The following HCFC2 variants were observed in gnomAD, a reference collection of about 807,000 sequenced individuals.
The protein encoded by HCFC2 is host cell factor 2.
HCFC2 carries 18 observed loss-of-function variants against 89.2 expected under a neutral mutation model. That is an observed-to-expected ratio of 0.20 (90% CI 0.14 to 0.30). The LOEUF (loss-of-function observed/expected upper bound fraction) is 0.30. HCFC2 is among the 10% of genes least tolerant of loss of function. HCFC2 has a pLI of 1.00. For missense variants in HCFC2, 578 were observed against 956.1 expected, an observed-to-expected ratio of 0.60 and a Z score of 5.21; for synonymous variants, 308 against 335.7, an observed-to-expected ratio of 0.92 and a Z score of 0.90.
chr12:104,092,288 A>G (rs1884043239), intron 9 of HCFC2, among the ~76,000 whole-genome samples: 1 of 152,078 alleles, frequency 6.6e-6, no homozygotes. Context: ...CAACATGGCA[A>G]AACCTCATCT....
At position 104,102,159 on chromosome 12, in the gene HCFC2, A is replaced by G; in HGVS notation, c.2064+6A>G. 6.2e-7 allele frequency: 1 copy of G among 1,611,964 alleles called. No individual in the cohort carries two copies. Among genetic ancestry groups the G allele is most frequent in the Non-Finnish European group, 8.5e-7 (1 of 1,178,438 alleles). ...CTGCAGTCAGAATTTCAAAGGTGAGACATCGGGTCAAGACTTGTTGGTGAT... is the reference window on the plus strand; with the variant it reads ...CTGCAGTCAGAATTTCAAAGGTGAGGCATCGGGTCAAGACTTGTTGGTGAT... On this transcript the variant is annotated splice_donor_region_variant and intron_variant, in intron 14 of 14. Coordinates refer to ENST00000229330, the MANE Select transcript of HCFC2 (RefSeq NM_013320.3).
At chr12:104,066,857 G>A (rs528515595) in intron 2 of HCFC2, among the ~76,000 whole-genome samples, 11 of 152,266 alleles carry the variant, frequency 7.2e-5, no homozygotes, top group African/African-American at 2.2e-4. Context: ...GCGCAATCTC[G>A]GCTCACTGCA....
At chr12:104,087,455 A>G (rs1468076911) in intron 8 of HCFC2, among the ~76,000 whole-genome samples, 27 of 24,394 alleles carry the variant, frequency 1.1e-3, no homozygotes, top group Admixed American at 3.8e-3. Flanking sequence ...GTGTGTGTGT[A>G]TATATATATA....
intron 3 of HCFC2, among the ~76,000 whole-genome samples, chr12:104,074,270 C>A (rs1432586369): frequency 1.3e-5 from 2 of 152,120 alleles, no homozygotes; most frequent in African/African-American, 4.8e-5. Flanking sequence ...TCTTGAGTAG[C>A]CAGCTGGGAC....
At chr12:104,094,364 T>C (rs1194552623) in intron 10 of HCFC2, among the ~76,000 whole-genome samples, 3 of 152,124 alleles carry the variant, frequency 2.0e-5, no homozygotes, top group African/African-American at 7.2e-5. Context: ...TGTATGGATT[T>C]GGGAATGGTA....
At position 104,103,892 on chromosome 12, in the gene HCFC2, TACA is replaced by T. The variant is rs971027408; in HGVS notation, c.*624_*626del. 2 of 152,074 alleles carry T rather than the reference TACA, an allele frequency of 1.3e-5. No homozygotes were observed. Among genetic ancestry groups the T allele is most frequent in the Non-Finnish European group, 2.9e-5 (2 of 67,920 alleles). The allele number at this position is 152,074 out of a possible 1,614,324, so 9.4% of individuals were successfully genotyped here. On this transcript the variant is annotated 3_prime_UTR_variant, in exon 15 of 15. Coordinates refer to ENST00000229330, the MANE Select transcript of HCFC2 (RefSeq NM_013320.3). The stretch of plus-strand genomic sequence containing the variant: ...TTATTTTCCAAGAATCATGGTAAAA[TACA>T]ACAAGAACAATGAGTTTTCTTGATT...
rs1290739158 is a variant in HCFC2, at chr12:104,068,695, A to T, written c.473+588A>T. On this transcript the variant is annotated intron_variant, in intron 3 of 14. Transcript: ENST00000229330. The surrounding 1 kb of genome is among the most constrained non-coding windows in gnomAD (Gnocchi z 4.1). ...GTATGTTGAGTTCCAATAAGCCTTTATGAAGCAGCTCATAGGCAGGTTTGG... is the reference window on the plus strand; with the variant it reads ...GTATGTTGAGTTCCAATAAGCCTTTTTGAAGCAGCTCATAGGCAGGTTTGG... 6.6e-6 allele frequency among the ~76,000 whole-genome samples: 1 copy of T among 152,158 alleles called. No individual in the cohort carries two copies. The highest frequency in any genetic ancestry group is 1.5e-5 in the Non-Finnish European group (1 of 68,034).
In HCFC2 at chr12:104,082,613, C is replaced by T; in HGVS notation, c.874+7C>T. 6.3e-7 allele frequency: 1 copy of T among 1,596,144 alleles called. No individual in the cohort carries two copies. Among genetic ancestry groups the T allele is most frequent in the Non-Finnish European group, 8.6e-7 (1 of 1,165,042 alleles). On this transcript the variant is annotated splice_region_variant and intron_variant, in intron 6 of 14. Coordinates refer to ENST00000229330, the MANE Select transcript of HCFC2 (RefSeq NM_013320.3). ...TTTTCTTACCTAAATCTGGGTGAGT[C>T]TTTTAAGAGTTACTCATTGAATTAA...
chr12:104,070,189 A>AT (rs1360091427), intron 3 of HCFC2, among the ~76,000 whole-genome samples: 1 of 151,848 alleles, frequency 6.6e-6, no homozygotes, highest in Non-Finnish European at 1.5e-5. Context: ...CGCCCTGCTA[A>AT]TTTTTTGTAT....
At chr12:104,082,948 C>A in intron 7 of HCFC2, 47 bp downstream of exon 7, 1 of 1,380,642 alleles carries the variant, frequency 7.2e-7, no homozygotes. Context: ...TAGGTAAGCA[C>A]TCAAATGTCT....
Position 104,082,756 on chromosome 12 carries a change from TAAAA to T in HCFC2, c.923_926del (p.Lys308IlefsTer32). ...CCCTAGTATCAGATTCTCAGGAAGA[TAAAA>T]AAAATTCAAGACCAAGACCAAGAGC... On this transcript the variant is annotated frameshift_variant, in exon 7 of 15. Coordinates refer to ENST00000229330, the MANE Select transcript of HCFC2 (RefSeq NM_013320.3). LOFTEE classifies it high-confidence loss of function. The T allele has an allele frequency of 6.2e-7, 1 of 1,613,332 alleles. No individual in the cohort carries two copies. Among genetic ancestry groups the T allele is most frequent in the Non-Finnish European group, 8.5e-7 (1 of 1,179,642 alleles).
In HCFC2 at chr12:104,079,493, T is replaced by G; in HGVS notation, c.522T>G (p.Val174=). 1 of 1,614,208 alleles carries G rather than the reference T, an allele frequency of 6.2e-7. No homozygotes were observed. The highest frequency in any genetic ancestry group is 1.3e-5 in the African/African-American group (1 of 75,058). The part of the protein sequence containing the change: ...YELELQHGSG[V]VGWSIPVTKG... ...TGGAGCTACAGCATGGCTCTGGTGT[T>G]GTGGGTTGGAGCATTCCAGTGACTA... Residue 174 remains valine (V), a synonymous_variant, in exon 4 of 15, where the codon GTT becomes GTG. Coordinates refer to ENST00000229330, the MANE Select transcript of HCFC2 (RefSeq NM_013320.3).
At chr12:104,087,279 A>G (rs925163767) in intron 8 of HCFC2, among the ~76,000 whole-genome samples, 5 of 150,952 alleles carry the variant, frequency 3.3e-5, no homozygotes, top group Admixed American at 6.6e-5. Context: ...ACTTGAACCC[A>G]GGTAGTGGAG....
rs1247846463 is a variant in HCFC2, at chr12:104,079,431, C to T, written c.474-14C>T. The stretch of plus-strand genomic sequence containing the variant: ...TATTATCTGAATGTTTTAATTTTTT[C>T]TATGATATCCTAGATATTTAAATGA... On this transcript the variant is annotated splice_polypyrimidine_tract_variant and intron_variant, in intron 3 of 14. Transcript: ENST00000229330. 1 of 1,580,170 alleles carries T rather than the reference C, an allele frequency of 6.3e-7. No homozygotes were observed. Among genetic ancestry groups the T allele is most frequent in the Non-Finnish European group, 8.7e-7 (1 of 1,156,064 alleles).
At chr12:104,093,319 G>A in intron 9 of HCFC2, 67 bp from the exon 10 acceptor site, 5 of 1,122,384 alleles carry the variant, frequency 4.5e-6, no homozygotes, top group Middle Eastern at 2.4e-4. Context: ...TATTTTGCTT[G>A]TTTTTTACAT....
Position 104,064,540 on chromosome 12 carries a change from AG to A in HCFC2, c.-20del. Reference sequence around the variant, plus strand: ...GAGGCGGGAGCGGTGCATTGTGGGCAGAGGGGCGGGGGTTGGGAAGATGGCG... The same window carrying A: ...GAGGCGGGAGCGGTGCATTGTGGGCAAGGGGCGGGGGTTGGGAAGATGGCG... On this transcript the variant is annotated 5_prime_UTR_variant, in exon 1 of 15. Transcript: ENST00000229330. The surrounding 1 kb of genome is among the most constrained non-coding windows in gnomAD (Gnocchi z 7.3). 3 of 1,476,478 alleles carry A rather than the reference AG, an allele frequency of 2.0e-6. No homozygotes were observed. Among genetic ancestry groups the A allele is most frequent in the Non-Finnish European group, 2.7e-6 (3 of 1,111,164 alleles). The allele number at this position is 1,476,478 out of a possible 1,614,324, so 91.5% of individuals were successfully genotyped here.
At chr12:104,094,339 A>T (rs755162557) in intron 10 of HCFC2, among the ~76,000 whole-genome samples, 39 of 152,218 alleles carry the variant, frequency 2.6e-4, no homozygotes, top group Admixed American at 7.9e-4. Flanking sequence ...CACCTGGTAC[A>T]GTGTCCAGGA....
chr12:104,082,207 T>C (rs1187166447), intron 5 of HCFC2, among the ~76,000 whole-genome samples: 1 of 152,272 alleles, frequency 6.6e-6, no homozygotes, highest in Non-Finnish European at 1.5e-5. Context: ...GTACCCTTAG[T>C]ATATTATAGG....
At chr12:104,092,976 A>G (rs946458370) in intron 9 of HCFC2, among the ~76,000 whole-genome samples, 1 of 152,196 alleles carries the variant, frequency 6.6e-6, no homozygotes, top group African/African-American at 2.4e-5. Context: ...TGAAGATTCC[A>G]TATAGCTGAG....
Sources: gnomAD v4.1 joint callset for allele counts (sites outside exome capture counted in the v4.1 genomes callset) on GRCh38, gnomAD v4.1.1 for gene constraint, Gnocchi (gnomAD v3.1) non-coding constraint, MANE v1.5 for transcripts, NCBI Gene and HGNC (gene_info 2026-07-23, HGNC 2026-07-21) for gene names.